PCDH9: variants seen among roughly 807,000 people sequenced by gnomAD.
The protein encoded by PCDH9 is protocadherin-9.
Under a neutral mutation model 70.6 loss-of-function variants are expected in PCDH9, and 24 were observed. The observed-to-expected ratio is 0.34, with a 90% CI of 0.25 to 0.48. PCDH9 has a LOEUF of 0.48. PCDH9 is among the 20% of genes least tolerant of loss of function. The pLI, the probability that PCDH9 is intolerant of heterozygous loss-of-function variation, is 0.99. For missense variants in PCDH9, 1,281 were observed against 1,503.6 expected (o/e 0.85, Z 2.45); for synonymous variants, 562 against 558.5 (o/e 1.01, Z -0.09).
chr13:66,597,129 G>A (rs1372436930), intron 4 of PCDH9, among the ~76,000 whole-genome samples: 1 of 151,596 alleles, frequency 6.6e-6, no homozygotes, highest in Non-Finnish European at 1.5e-5. Flanking sequence ...CTAGTCAATG[G>A]ATAGACATCC....
At chr13:67,060,763 A>T (rs2181880) in intron 2 of PCDH9, among the ~76,000 whole-genome samples, 26,842 of 151,986 alleles carry the variant, frequency 0.18, 2,522 homozygotes, top group Admixed American at 0.22. Context: ...ACAAAGACCT[A>T]GTTCATCTAC....
intron 3 of PCDH9, among the ~76,000 whole-genome samples, chr13:66,822,753 G>A (rs1437176160): frequency 2.6e-5 from 4 of 151,860 alleles, no homozygotes; most frequent in Non-Finnish European, 4.4e-5. Context: ...AAAGTGATCC[G>A]CCTGCCTCCA....
At chr13:66,654,714 T>C (rs910117739) in intron 3 of PCDH9, among the ~76,000 whole-genome samples, 5 of 152,146 alleles carry the variant, frequency 3.3e-5, no homozygotes, top group African/African-American at 1.2e-4. Context: ...TCTGTTTGTT[T>C]GTTTGTTTGG....
intron 3 of PCDH9, among the ~76,000 whole-genome samples, chr13:66,656,186 C>T (rs2077926752): frequency 6.6e-6 from 1 of 151,530 alleles, no homozygotes; most frequent in Non-Finnish European, 1.5e-5. Flanking sequence ...ATTTTCTTGG[C>T]TGAGCCTGTT....
At chr13:67,060,825 A>T (rs1344754963) in intron 2 of PCDH9, among the ~76,000 whole-genome samples, 1 of 152,066 alleles carries the variant, frequency 6.6e-6, no homozygotes, top group African/African-American at 2.4e-5. Flanking sequence ...ACAATTCCTC[A>T]TTACTAGGAA....
chr13:66,668,659 A>C (rs894463313), intron 3 of PCDH9, among the ~76,000 whole-genome samples: 2 of 152,196 alleles, frequency 1.3e-5, no homozygotes, highest in Non-Finnish European at 2.9e-5. Context: ...TGACCGAGAG[A>C]GCCCTCTAAA....
chr13:66,787,852 A>G (rs927587865), intron 3 of PCDH9, among the ~76,000 whole-genome samples: 4 of 152,164 alleles, frequency 2.6e-5, no homozygotes, highest in Admixed American at 6.5e-5. Flanking sequence ...CACAGTAATA[A>G]AGTGTTTAGT....
chr13:66,947,132 C>T (rs2083101041), intron 2 of PCDH9, among the ~76,000 whole-genome samples: 1 of 152,128 alleles, frequency 6.6e-6, no homozygotes, highest in South Asian at 2.1e-4. Context: ...GGCATGACAG[C>T]AGGACAGGTT....
intron 4 of PCDH9, among the ~76,000 whole-genome samples, chr13:66,370,739 C>T (rs956469538): frequency 1.3e-5 from 2 of 151,906 alleles, no homozygotes; most frequent in African/African-American, 4.8e-5. Context: ...GTCTCAAACT[C>T]CTGGGCTCAA....
chr13:66,616,015 C>A (rs1244753814), intron 4 of PCDH9, among the ~76,000 whole-genome samples: 2 of 152,150 alleles, frequency 1.3e-5, no homozygotes, highest in African/African-American at 2.4e-5. Context: ...GCTATTCTGC[C>A]CTTTAAAGAT....
chr13:66,776,940 C>T (rs2139287927), intron 3 of PCDH9, among the ~76,000 whole-genome samples: 1 of 149,648 alleles, frequency 6.7e-6, no homozygotes, highest in African/African-American at 2.5e-5. Context: ...AGATAGAGAT[C>T]AATGGAACAG....
chr13:67,146,938 C>G (rs915447185), intron 2 of PCDH9, among the ~76,000 whole-genome samples: 4 of 152,114 alleles, frequency 2.6e-5, no homozygotes, highest in African/African-American at 9.7e-5. Context: ...CAGGAAACAA[C>G]TGTGATTCCG....
At chr13:66,727,248 G>C (rs1031182372) in intron 3 of PCDH9, among the ~76,000 whole-genome samples, 14 of 152,052 alleles carry the variant, frequency 9.2e-5, no homozygotes, top group Non-Finnish European at 1.8e-4. Flanking sequence ...ATGACAGAGT[G>C]AGCTCCTGTC....
At chr13:66,825,537 G>A (rs1377894866) in intron 3 of PCDH9, among the ~76,000 whole-genome samples, 2 of 150,808 alleles carry the variant, frequency 1.3e-5, no homozygotes, top group African/African-American at 4.9e-5. Flanking sequence ...GGGTTTCACC[G>A]TGTTAGCCAG....
chr13:67,117,087 G>A (rs990180881), intron 2 of PCDH9, among the ~76,000 whole-genome samples: 6 of 152,258 alleles, frequency 3.9e-5, no homozygotes, highest in African/African-American at 1.4e-4. Flanking sequence ...GGAAAAAAAT[G>A]TCTTGGAAAA....
chr13:67,017,428 A>G (rs990386056), intron 2 of PCDH9, among the ~76,000 whole-genome samples: 3 of 152,204 alleles, frequency 2.0e-5, no homozygotes, highest in African/African-American at 7.2e-5. Flanking sequence ...ATATTCCCTA[A>G]CAGTTTAAAA....
Position 67,019,998 on chromosome 13 carries a change from A to T in PCDH9, c.3037-116393T>A, listed in dbSNP as rs141071824. On this transcript the variant is annotated intron_variant, in intron 2 of 4. Transcript: ENST00000377865. ...CTAAGAATTCTTTAGCTATAAAATTATTTTATGTTTGATGGACTTAATAAA... is the reference window on the plus strand; with the variant it reads ...CTAAGAATTCTTTAGCTATAAAATTTTTTTATGTTTGATGGACTTAATAAA... 1.0e-3 allele frequency among the ~76,000 whole-genome samples: 152 copies of T among 152,334 alleles called. 1 individual carries two copies. Among genetic ancestry groups the T allele is most frequent in the Middle Eastern group, 6.8e-3 (2 of 294 alleles).
chr13:66,582,414 A>G (rs975072357), intron 4 of PCDH9, among the ~76,000 whole-genome samples: 1 of 151,982 alleles, frequency 6.6e-6, no homozygotes, highest in Non-Finnish European at 1.5e-5. Flanking sequence ...AGGAGGACCA[A>G]TTGAGGTCAG....
At chr13:67,125,949 C>T (rs2086971330) in intron 2 of PCDH9, among the ~76,000 whole-genome samples, 2 of 151,984 alleles carry the variant, frequency 1.3e-5, no homozygotes, top group South Asian at 2.1e-4. Context: ...TAATTGTATA[C>T]TTTAAATGTG....
Sources: allele counts gnomAD v4.1 joint callset (sites outside exome capture counted in the v4.1 genomes callset), GRCh38; gene constraint gnomAD v4.1.1; transcripts MANE v1.5; gene names NCBI Gene and HGNC (gene_info 2026-07-23, HGNC 2026-07-21).